Variants in DMD observed in about 807,000 individuals in gnomAD.
DMD encodes dystrophin, also known as mutant dystrophin.
DMD carries 63 observed loss-of-function variants against 330.1 expected under a neutral mutation model. The ratio of observed to expected loss-of-function variants is 0.19; its 90% CI spans 0.16 to 0.24. DMD has a LOEUF of 0.24. Ranked by LOEUF, DMD falls within the 10% of genes least tolerant of loss-of-function variation. DMD has a pLI of 1.00. For missense variants in DMD, 3,344 were observed against 2,684.1 expected (o/e 1.25, Z -5.43); for synonymous variants, 1,223 against 959.8 (o/e 1.27, Z -5.07).
intron 2 of DMD, among the ~76,000 whole-genome samples, chrX:32,991,519 A>G (rs2092975368): frequency 8.9e-6 from 1 of 112,284 alleles, no homozygotes; most frequent in African/African-American, 3.2e-5. Flanking sequence ...AGCAAAATGG[A>G]GGAACAACAT....
intron 60 of DMD, among the ~76,000 whole-genome samples, chrX:31,426,343 G>A (rs2063714381): frequency 8.9e-6 from 1 of 111,879 alleles, no homozygotes; most frequent in Non-Finnish European, 1.9e-5. Context: ...TTTAAAGTCA[G>A]GTATCTGTTA....
At chrX:31,795,794 T>A (rs1397064258) in intron 50 of DMD, among the ~76,000 whole-genome samples, 1 of 111,922 alleles carries the variant, frequency 8.9e-6, no homozygotes, top group East Asian at 2.8e-4. Flanking sequence ...GAGAAGCACA[T>A]GCATTCCCCT....
At chrX:32,301,960 T>C (rs1487013048) in intron 42 of DMD, among the ~76,000 whole-genome samples, 1 of 111,548 alleles carries the variant, frequency 9.0e-6, no homozygotes. Context: ...CTTGGAATAA[T>C]TTAGAGTTGC....
chrX:32,998,588 G>C (rs1795714917), intron 2 of DMD, among the ~76,000 whole-genome samples: 1 of 107,052 alleles, frequency 9.3e-6, no homozygotes, highest in Non-Finnish European at 1.9e-5. Flanking sequence ...TTACTTTAAA[G>C]TTCTCTACCT....
At chrX:31,220,220 T>G (rs975629568) in intron 64 of DMD, among the ~76,000 whole-genome samples, 2 of 111,414 alleles carry the variant, frequency 1.8e-5, no homozygotes, top group Non-Finnish European at 3.8e-5. Context: ...GTACATACAT[T>G]TCCATTAACT....
At chrX:32,775,979 C>CA (rs986930489) in intron 7 of DMD, among the ~76,000 whole-genome samples, 1 of 111,961 alleles carries the variant, frequency 8.9e-6, no homozygotes, top group African/African-American at 3.2e-5. Context: ...CGTATGTTTT[C>CA]AGAAAAAGTC....
At chrX:32,569,844 C>T (rs1302107792) in intron 15 of DMD, among the ~76,000 whole-genome samples, 1 of 111,270 alleles carries the variant, frequency 9.0e-6, no homozygotes, top group Non-Finnish European at 1.9e-5. Flanking sequence ...ACAGTCCCCA[C>T]AGCAGAAATA....
At chrX:32,204,264 C>A (rs751042213) in intron 44 of DMD, among the ~76,000 whole-genome samples, 50 of 112,098 alleles carry the variant, frequency 4.5e-4, no homozygotes, top group African/African-American at 1.5e-3. Flanking sequence ...AGCGTTTAAA[C>A]TTTCCGAAAT....
At chrX:32,747,658 T>C (rs2070226405) in intron 7 of DMD, among the ~76,000 whole-genome samples, 1 of 111,217 alleles carries the variant, frequency 9.0e-6, no homozygotes, top group African/African-American at 3.3e-5. Flanking sequence ...TCGCTAATTT[T>C]TTTTTTAAGT....
chrX:32,636,323 T>A (rs912656075), intron 11 of DMD, among the ~76,000 whole-genome samples: 13 of 111,865 alleles, frequency 1.2e-4, no homozygotes, highest in African/African-American at 3.9e-4. Flanking sequence ...GAGGTCAAAC[T>A]TTAAATTACA....
chrX:32,695,723 CATACAGATTGA>C (rs1174857630), intron 9 of DMD, among the ~76,000 whole-genome samples: 2 of 111,690 alleles, frequency 1.8e-5, no homozygotes, highest in African/African-American at 6.5e-5. Context: ...TGATCATTTG[CATACAGATTGA>C]ATACAGATTG....
intron 44 of DMD, among the ~76,000 whole-genome samples, chrX:32,015,725 A>G (rs1326935814): frequency 1.8e-5 from 2 of 112,173 alleles, no homozygotes; most frequent in Non-Finnish European, 3.8e-5. Flanking sequence ...AAACAAGTAC[A>G]TAAGGCAAAG....
At chrX:33,056,463 C>A (rs1265373161) in intron 1 of DMD, among the ~76,000 whole-genome samples, 1 of 110,175 alleles carries the variant, frequency 9.1e-6, no homozygotes, top group Non-Finnish European at 1.9e-5. Flanking sequence ...AGGGTTCAAG[C>A]GATTCTCCTG....
At chrX:31,867,808 A>T (rs2093825973) in intron 48 of DMD, among the ~76,000 whole-genome samples, 1 of 111,112 alleles carries the variant, frequency 9.0e-6, no homozygotes, top group Admixed American at 9.6e-5. Flanking sequence ...CGATAATAAT[A>T]TTATGTCATC....
chrX:33,214,532 G>A (rs1186177739), upstream of DMD, among the ~76,000 whole-genome samples: 4 of 111,701 alleles, frequency 3.6e-5, no homozygotes. Context: ...TTTGTGTTGT[G>A]ATTAGATATA....
chrX:32,493,250 C>A (rs1264372755), intron 19 of DMD, among the ~76,000 whole-genome samples: 1 of 111,700 alleles, frequency 9.0e-6, no homozygotes, highest in East Asian at 2.8e-4. Flanking sequence ...AAACCATGTC[C>A]CTCAATTCAT....
At chrX:31,489,038 C>T (rs1323439818) in intron 57 of DMD, among the ~76,000 whole-genome samples, 1 of 112,400 alleles carries the variant, frequency 8.9e-6, no homozygotes, top group Non-Finnish European at 1.9e-5. Context: ...TTCTACAACA[C>T]TCAAAACCTG....
intron 2 of DMD, among the ~76,000 whole-genome samples, chrX:32,943,418 G>A (rs982219694): frequency 9.0e-6 from 1 of 110,954 alleles, no homozygotes; most frequent in Non-Finnish European, 1.9e-5. Context: ...TCATAATACA[G>A]CATTATATGT....
chrX:32,882,364 T>C (rs917083039), intron 2 of DMD, among the ~76,000 whole-genome samples: 9 of 112,143 alleles, frequency 8.0e-5, no homozygotes, highest in Admixed American at 4.7e-4. Context: ...TCCCAATTCC[T>C]CTTGTTACAT....
Sources: gnomAD v4.1 joint callset for allele counts (sites outside exome capture counted in the v4.1 genomes callset) on GRCh38, gnomAD v4.1.1 for gene constraint, MANE v1.5 for transcripts, NCBI Gene and HGNC (gene_info 2026-07-23, HGNC 2026-07-21) for gene names.